Variants in SRGAP3 observed in about 807,000 individuals in gnomAD.
The protein encoded by SRGAP3 is SLIT-ROBO Rho GTPase-activating protein 3.
SRGAP3 carries 39 observed loss-of-function variants against 121.1 expected under a neutral mutation model. That is an observed-to-expected ratio of 0.32 (90% CI 0.25 to 0.42). The LOEUF (loss-of-function observed/expected upper bound fraction) is 0.42. SRGAP3 is among the 10% of genes least tolerant of loss of function. The pLI, the probability that SRGAP3 is intolerant of heterozygous loss-of-function variation, is 1.00. For missense variants in SRGAP3, 1,213 were observed against 1,470.6 expected, an observed-to-expected ratio of 0.82 and a Z score of 2.86; for synonymous variants, 601 against 570.0, an observed-to-expected ratio of 1.05 and a Z score of -0.77.
In SRGAP3 at chr3:8,985,652, G is replaced by C. The variant is rs773507636; in HGVS notation, c.3167C>G (p.Pro1056Arg). Residue 1056 changes from proline to arginine, a missense_variant, in exon 22 of 22, where the codon CCC (proline) becomes CGC (arginine). Pro to Arg is a moderately radical substitution (Grantham distance 103). This residue lies in a region of SRGAP3 where 420 missense variants were observed against 437.7 expected (regional missense o/e 0.96). Coordinates refer to ENST00000383836, the MANE Select transcript of SRGAP3 (RefSeq NM_014850.4). This position sits in a 1 kb window ranked among gnomAD's most constrained non-coding sequence, Gnocchi z 5.1. ...GACCACCGGCCGCACGGGCCGCATG[G>C]GGGGCGGGCGGAGCTGGGCGCCAGC... ...RLAGAQLRPP[P>R]MRPVRPVVQH... 1 of 1,595,548 alleles carries C rather than the reference G, an allele frequency of 6.3e-7. No individual in the cohort carries two copies. Among genetic ancestry groups the C allele is most frequent in the Admixed American group, 1.7e-5 (1 of 59,788 alleles).
intron 12 of SRGAP3, among the ~76,000 whole-genome samples, chr3:9,029,736 A>C (rs1312382298): frequency 6.6e-6 from 1 of 152,238 alleles, no homozygotes; most frequent in East Asian, 1.9e-4. Flanking sequence ...ATAATCTTTC[A>C]CAGTAAAACT....
intron 3 of SRGAP3, among the ~76,000 whole-genome samples, chr3:9,096,937 G>GTATATATATATATATATATA (rs58305278): frequency 4.9e-5 from 3 of 61,296 alleles, no homozygotes; most frequent in Admixed American, 4.7e-4. Flanking sequence ...ACATTATTTT[G>GTATATATATATATATATATA]TATATATATA....
At chr3:9,312,995 A>C (rs935562891) in intron 3 of SRGAP3, among the ~76,000 whole-genome samples, 8 of 152,022 alleles carry the variant, frequency 5.3e-5, no homozygotes, top group African/African-American at 1.9e-4. Flanking sequence ...TTGTCTCTAA[A>C]AATAAATAAA....
intron 14 of SRGAP3, among the ~76,000 whole-genome samples, chr3:9,024,580 G>A (rs1427711143): frequency 1.3e-5 from 2 of 152,142 alleles, no homozygotes; most frequent in Non-Finnish European, 2.9e-5. Context: ...GGCCCAGAGA[G>A]GCTACACCAA....
intron 14 of SRGAP3, chr3:9,015,958 G>T: frequency 1.8e-6 from 1 of 566,052 alleles, no homozygotes; most frequent in Non-Finnish European, 3.1e-6. Context: ...AATAATGAAC[G>T]CCCATCACCC....
At chr3:9,193,726 G>A (rs1269369348) in intron 1 of SRGAP3, 2 of 152,372 alleles carry the variant, frequency 1.3e-5, no homozygotes, top group Non-Finnish European at 2.9e-5. Context: ...GCATTTCCAG[G>A]TGGCGAGGAG....
intron 1 of SRGAP3, among the ~76,000 whole-genome samples, chr3:9,346,232 C>G (rs1385435836): frequency 6.6e-6 from 1 of 151,240 alleles, no homozygotes; most frequent in Non-Finnish European, 1.5e-5. Flanking sequence ...GTTTTTCTAT[C>G]TTTAAATTTT....
chr3:9,334,862 T>C (rs1261036629), intron 1 of SRGAP3, among the ~76,000 whole-genome samples: 1 of 152,042 alleles, frequency 6.6e-6, no homozygotes, highest in African/African-American at 2.4e-5. Flanking sequence ...ATCTGCAAAA[T>C]GGGGATTTAA....
intron 3 of SRGAP3, among the ~76,000 whole-genome samples, chr3:9,313,821 C>G (rs1370087505): frequency 1.3e-5 from 2 of 152,206 alleles, no homozygotes; most frequent in East Asian, 3.9e-4. Flanking sequence ...AGGGCGAAAC[C>G]CCATCTCTAC....
chr3:9,254,784 A>G (rs1954091482), intron 3 of SRGAP3, among the ~76,000 whole-genome samples: 1 of 143,542 alleles, frequency 7.0e-6, no homozygotes, highest in African/African-American at 2.5e-5. Flanking sequence ...CCTGGGCAAC[A>G]GAGCAAGGCT....
At chr3:9,169,498 G>A (rs928500020) in intron 1 of SRGAP3, among the ~76,000 whole-genome samples, 1 of 152,188 alleles carries the variant, frequency 6.6e-6, no homozygotes, top group African/African-American at 2.4e-5. Context: ...AAAGGTAGAG[G>A]AGTTACATGT....
intron 9 of SRGAP3, among the ~76,000 whole-genome samples, chr3:9,051,680 G>A (rs1038920164): frequency 6.7e-6 from 1 of 150,076 alleles, no homozygotes; most frequent in African/African-American, 2.4e-5. Context: ...ATAGTACCCG[G>A]TATAGAAGGG....
At chr3:9,116,092 C>T (rs1278933055) in intron 2 of SRGAP3, among the ~76,000 whole-genome samples, 2 of 152,148 alleles carry the variant, frequency 1.3e-5, no homozygotes, top group Non-Finnish European at 2.9e-5. Flanking sequence ...TCATTTTGAT[C>T]ATCCATATTA....
At chr3:9,120,784 T>A (rs1014464523) in intron 2 of SRGAP3, among the ~76,000 whole-genome samples, 1 of 152,220 alleles carries the variant, frequency 6.6e-6, no homozygotes, top group Non-Finnish European at 1.5e-5. Context: ...AGAAATATGA[T>A]GATATTTTTC....
At chr3:9,257,761 G>A (rs1314069718) in intron 3 of SRGAP3, among the ~76,000 whole-genome samples, 1 of 124,012 alleles carries the variant, frequency 8.1e-6, no homozygotes, top group Non-Finnish European at 1.6e-5. Context: ...CTGGAGCACA[G>A]TAGCATGATC....
At chr3:9,263,959 C>T (rs1049804763) in intron 3 of SRGAP3, among the ~76,000 whole-genome samples, 11 of 152,142 alleles carry the variant, frequency 7.2e-5, no homozygotes, top group African/African-American at 2.7e-4. Context: ...AATATAGATG[C>T]AAAAATCCTC....
intron 3 of SRGAP3, among the ~76,000 whole-genome samples, chr3:9,288,024 C>T (rs1954805778): frequency 6.6e-6 from 1 of 151,744 alleles, no homozygotes; most frequent in African/African-American, 2.4e-5. Context: ...TAACCACTAC[C>T]TGTTCAAATA....
chr3:9,304,460 T>C (rs965577659), intron 3 of SRGAP3, among the ~76,000 whole-genome samples: 1 of 152,270 alleles, frequency 6.6e-6, no homozygotes, highest in East Asian at 1.9e-4. Context: ...TAGTAGGTCT[T>C]AGACATTCAC....
chr3:9,355,403 G>C (rs974624860), intron 1 of SRGAP3, among the ~76,000 whole-genome samples: 2 of 152,200 alleles, frequency 1.3e-5, no homozygotes, highest in African/African-American at 4.8e-5. Flanking sequence ...GTGATAATTT[G>C]TGAGACACTG....
Sources: gnomAD v4.1 joint callset for allele counts (sites outside exome capture counted in the v4.1 genomes callset) on GRCh38, gnomAD v4.1.1 for gene constraint, gnomAD v4.1.1 regional missense constraint, Gnocchi (gnomAD v3.1) non-coding constraint, MANE v1.5 for transcripts, NCBI Gene and HGNC (gene_info 2026-07-23, HGNC 2026-07-21) for gene names.